The following GAN variants were observed in gnomAD, a reference collection of about 807,000 sequenced individuals.
GAN encodes epididymis secretory sperm binding protein.
In GAN, 48 loss-of-function variants were observed where a neutral mutation model predicts 71.3. That is an observed-to-expected ratio of 0.67 (90% confidence interval 0.53 to 0.86). The LOEUF (loss-of-function observed/expected upper bound fraction) is 0.86, where lower values mean the gene tolerates loss of function less well. GAN is among the 40% of genes least tolerant of loss of function. The pLI, the probability that GAN is intolerant of heterozygous loss-of-function variation, is 0.00. For synonymous variants in GAN, 386 were observed against 276.8 expected (o/e 1.39, Z -3.92); for missense variants, 928 against 770.1 (o/e 1.21, Z -2.43).
chr16:81,366,949 C>T (rs1171303297), intron 9 of GAN, among the ~76,000 whole-genome samples: 1 of 152,088 alleles, frequency 6.6e-6, no homozygotes, highest in Non-Finnish European at 1.5e-5. Context: ...CTCGGCCTCC[C>T]AAGTAGCTGG....
chr16:81,352,923 G>C (rs1910347292), intron 2 of GAN, among the ~76,000 whole-genome samples: 1 of 152,222 alleles, frequency 6.6e-6, no homozygotes, highest in Non-Finnish European at 1.5e-5. Flanking sequence ...GCCTATTCAT[G>C]TTCAGGCTTG....
Position 81,380,448 on chromosome 16 carries a change from C to G in GAN, c.*2852C>G, listed in dbSNP as rs990288349. On this transcript the variant is annotated 3_prime_UTR_variant, in exon 11 of 11. Coordinates refer to ENST00000648994, the MANE Select transcript of GAN (RefSeq NM_022041.4). ...ATAGGTAGTTTGTTTCTTTGTTTAG[C>G]ATATCCAAATTTAGATTTTTCAAAG... The G allele has an allele frequency of 6.6e-6, 1 of 152,434 alleles. No individual in the cohort carries two copies. The highest frequency in any genetic ancestry group is 1.5e-5 in the Non-Finnish European group (1 of 68,018). The allele number at this position is 152,434 out of a possible 1,614,324, so 9.4% of individuals were successfully genotyped here.
At chr16:81,339,462 T>G (rs1909871845) in intron 1 of GAN, among the ~76,000 whole-genome samples, 1 of 152,222 alleles carries the variant, frequency 6.6e-6, no homozygotes, top group African/African-American at 2.4e-5. Context: ...ACTGTCAGCT[T>G]CAAGTTTATT....
At chr16:81,370,378 C>G (rs1361774763) in intron 9 of GAN, among the ~76,000 whole-genome samples, 1 of 152,206 alleles carries the variant, frequency 6.6e-6, no homozygotes, top group Non-Finnish European at 1.5e-5. Context: ...GTGGCAAAAA[C>G]CACACCAGTC....
chr16:81,337,159 A>G (rs1909791613), intron 1 of GAN, among the ~76,000 whole-genome samples: 1 of 152,292 alleles, frequency 6.6e-6, no homozygotes, highest in Middle Eastern at 3.4e-3. Flanking sequence ...TGTGAAACAA[A>G]TTCCCTACAG....
chr16:81,324,247 C>G (rs763453800), intron 1 of GAN, among the ~76,000 whole-genome samples: 8 of 152,210 alleles, frequency 5.3e-5, no homozygotes, highest in South Asian at 2.1e-4. Context: ...ATTGCCCTTT[C>G]TAGACGGAGT....
intron 1 of GAN, among the ~76,000 whole-genome samples, chr16:81,345,762 G>T (rs1334918370): frequency 2.6e-5 from 4 of 152,042 alleles, no homozygotes; most frequent in Admixed American, 2.6e-4. Flanking sequence ...TTAAAAGAGG[G>T]CTTCTTGTAA....
rs139443255 is a variant in GAN, at chr16:81,338,794, C to T, written c.168-12789C>T. Among the ~76,000 whole-genome samples, 29 of 152,286 alleles carry T rather than the reference C, an allele frequency of 1.9e-4. No homozygotes were observed. The East Asian group carries it at 3.3e-3, about 17-fold the overall frequency. Reference sequence around the variant, plus strand: ...GAAGGCTGTGGAGCAAGACTGCTTCCGGATAGATTTGAGTGATGCTTACAG... The same window carrying T: ...GAAGGCTGTGGAGCAAGACTGCTTCTGGATAGATTTGAGTGATGCTTACAG... On this transcript the variant is annotated intron_variant, in intron 1 of 10. Transcript: ENST00000648994.
rs187660468 is a variant in GAN, at chr16:81,326,110, C to T, written c.167+10830C>T. ...GCCTTCAGCAAGGAGTGCATCATCG[C>T]CTCATTTAGTGTGGAAAACCAGTAG... is the stretch of plus-strand genomic sequence containing the variant. On this transcript the variant is annotated intron_variant, in intron 1 of 10. Coordinates refer to ENST00000648994, the MANE Select transcript of GAN (RefSeq NM_022041.4). Among the ~76,000 whole-genome samples, 89 of 152,304 alleles carry T rather than the reference C, an allele frequency of 5.8e-4. 1 individual carries two copies. The highest frequency in any genetic ancestry group is 2.1e-3 in the African/African-American group (88 of 41,554).
intron 3 of GAN, among the ~76,000 whole-genome samples, chr16:81,356,132 C>A (rs999310617): frequency 2.6e-5 from 4 of 152,186 alleles, no homozygotes; most frequent in African/African-American, 9.7e-5. Context: ...GTCCTTTGGT[C>A]AGTTTAAACT....
chr16:81,375,339 C>CTT lies in GAN; in HGVS notation c.1503-1864_1503-1863dup, dbSNP rs59775874. Reference sequence around the variant, plus strand: ...GTCCTTTTTTTTTTTTTTAATTTATCTTTTTTTTTTTTTTTTTGAGACAGG... The same window carrying CTT: ...GTCCTTTTTTTTTTTTTTAATTTATCTTTTTTTTTTTTTTTTTTTGAGACAGG... On this transcript the variant is annotated intron_variant, in intron 9 of 10. Transcript: ENST00000648994. 5.5e-3 allele frequency among the ~76,000 whole-genome samples: 575 copies of CTT among 104,058 alleles called. 5 individuals carry two copies. Among genetic ancestry groups the CTT allele is most frequent in the South Asian group, 0.015 (44 of 2,978 alleles). 68.3% of individuals were successfully genotyped at this position (104,058 alleles called of 152,430 possible). A position where few individuals can be genotyped will look rare whatever the true frequency, so the allele number is the denominator to read the frequency against.
chr16:81,359,181 C>G (rs1910588469), intron 5 of GAN, among the ~76,000 whole-genome samples: 1 of 140,202 alleles, frequency 7.1e-6, no homozygotes, highest in South Asian at 2.3e-4. Context: ...TGCATCTTCT[C>G]AGAATTAGCT....
chr16:81,327,838 G>A (rs1281434934), intron 1 of GAN, among the ~76,000 whole-genome samples: 1 of 151,714 alleles, frequency 6.6e-6, no homozygotes, highest in Admixed American at 6.6e-5. Flanking sequence ...ATTTGCATGG[G>A]GGTCTTAAGG....
Position 81,330,013 on chromosome 16 carries a change from A to G in GAN, c.167+14733A>G, listed in dbSNP as rs1310532146. On this transcript the variant is annotated intron_variant, in intron 1 of 10. Coordinates refer to ENST00000648994, the MANE Select transcript of GAN (RefSeq NM_022041.4). ...AGGAGAAATCTAGGAGGCAGCAGAG[A>G]TATCATCACCTCGCTCACTCTCAGC... Among the ~76,000 whole-genome samples, 4 of 152,148 alleles carry G rather than the reference A, an allele frequency of 2.6e-5. No individual in the cohort carries two copies. The East Asian group carries it at 7.7e-4, about 29-fold the overall frequency.
At chr16:81,374,994 G>T (rs1469102227) in intron 9 of GAN, among the ~76,000 whole-genome samples, 2 of 75,518 alleles carry the variant, frequency 2.6e-5, no homozygotes, top group Non-Finnish European at 4.9e-5. Context: ...AAATGTAAAA[G>T]ATAAAACTAA....
At chr16:81,374,553 A>G (rs189668537) in intron 9 of GAN, among the ~76,000 whole-genome samples, 37 of 152,250 alleles carry the variant, frequency 2.4e-4, no homozygotes, top group Admixed American at 2.0e-3. Flanking sequence ...AATGTTTTCC[A>G]ATTATTTATA....
In GAN at chr16:81,314,989, C is replaced by A. The variant is rs767838048; in HGVS notation, c.-125C>A. On this transcript the variant is annotated 5_prime_UTR_variant, in exon 1 of 11. Transcript: ENST00000648994. ...ATAGCACAGGCACGTCCCGGGGGCT[C>A]CAGCTTCTGCTCAGAGCGCGGAGAG... The A allele has an allele frequency of 4.9e-6, 4 of 818,160 alleles. No individual in the cohort carries two copies. In the African/African-American group the frequency reaches 5.4e-5, roughly 11 times the overall value. The allele number at this position is 818,160 out of a possible 1,614,324, so 50.7% of individuals were successfully genotyped here. A position where few individuals can be genotyped will look rare whatever the true frequency, so the allele number is the denominator to read the frequency against.
rs10871411 is a variant in GAN at position 81,387,673 on chromosome 16, G to A, written c.*10077G>A. On this transcript the variant is annotated 3_prime_UTR_variant, in exon 11 of 11. Coordinates refer to ENST00000648994, the MANE Select transcript of GAN (RefSeq NM_022041.4). ...TCTACTAAAAATACAAAAATTAGCC[G>A]AGTGTGTTGGTGGGCCCCTGTAATC... 0.55 allele frequency: 83,967 copies of A among 151,828 alleles called. 23,368 individuals carry two copies. The highest frequency in any genetic ancestry group is 0.74 in the East Asian group (3,817 of 5,166). 9.4% of individuals were successfully genotyped at this position (151,828 alleles called of 1,614,324 possible). A position where few individuals can be genotyped will look rare whatever the true frequency, so the allele number is the denominator to read the frequency against.
intron 1 of GAN, among the ~76,000 whole-genome samples, chr16:81,342,981 C>T (rs1909995514): frequency 6.6e-6 from 1 of 152,204 alleles, no homozygotes; most frequent in African/African-American, 2.4e-5. Context: ...AAACTACCTT[C>T]AGAGAATACT....
Sources: gnomAD v4.1 joint callset for allele counts (sites outside exome capture counted in the v4.1 genomes callset) on GRCh38, gnomAD v4.1.1 for gene constraint, MANE v1.5 for transcripts, NCBI Gene and HGNC (gene_info 2026-07-23, HGNC 2026-07-21) for gene names.